The following RCOR3 variants were observed in gnomAD, a reference collection of about 807,000 sequenced individuals.
RCOR3 encodes the protein REST corepressor 3.
Under a neutral mutation model 64.1 loss-of-function variants are expected in RCOR3, and 13 were observed. That is an observed-to-expected ratio of 0.20 (90% CI 0.13 to 0.32). RCOR3 has a LOEUF of 0.32. RCOR3 is among the 10% of genes least tolerant of loss of function. RCOR3 has a pLI of 1.00. For missense variants in RCOR3, 489 were observed against 701.2 expected (o/e 0.70, Z 3.42); for synonymous variants, 215 against 239.0 (o/e 0.90, Z 0.93).
chr1:211,294,746 C>T (rs1243732874), intron 8 of RCOR3, among the ~76,000 whole-genome samples: 2 of 152,002 alleles, frequency 1.3e-5, no homozygotes, highest in Non-Finnish European at 2.9e-5. Flanking sequence ...TCCGCCACCA[C>T]GCCCGGCTAA....
At position 211,276,380 on chromosome 1, in the gene RCOR3, A is replaced by G. The variant is rs903592445; in HGVS notation, c.478A>G (p.Ser160Gly). 19 of 1,613,634 alleles carry G rather than the reference A, an allele frequency of 1.2e-5. No homozygotes were observed. The highest frequency in any genetic ancestry group is 1.6e-5 in the Non-Finnish European group (19 of 1,179,694). Residue 160 changes from serine to glycine, a missense_variant, in exon 5 of 12, where the codon AGT becomes GGT. Around this residue, in one of 2 missense-constraint regions of RCOR3, gnomAD observed 402 missense variants for 617.0 expected, o/e 0.65. Coordinates refer to ENST00000419091, the MANE Select transcript of RCOR3 (RefSeq NM_001136223.3). ...EDKVLFEQAF[S>G]FHGKSFHRIQ... The stretch of plus-strand genomic sequence containing the variant: ...TAAAGTCCTATTTGAACAAGCCTTT[A>G]GTTTTCATGGAAAGAGCTTTCACAG...
At chr1:211,292,134 G>A (rs2102587147) in intron 8 of RCOR3, among the ~76,000 whole-genome samples, 1 of 152,174 alleles carries the variant, frequency 6.6e-6, no homozygotes, top group South Asian at 2.1e-4. Context: ...CTGGTTTTTA[G>A]CTCCTTTGAC....
intron 2 of RCOR3, among the ~76,000 whole-genome samples, chr1:211,265,579 C>T (rs1235083557): frequency 1.3e-5 from 2 of 151,950 alleles, no homozygotes; most frequent in South Asian, 2.1e-4. Context: ...ATCAGCTGGG[C>T]GTGGTAGTGG....
In RCOR3 at chr1:211,259,437, T is replaced by A. The variant is rs2102395045; in HGVS notation, c.-124T>A. ...CGGCTCCATATTAACAGCCTCCTCC[T>A]CCTCCGCCGCCGCCGCCGTCTCCTC... On this transcript the variant is annotated 5_prime_UTR_variant, in exon 1 of 12. Transcript: ENST00000419091. 3.1e-6 allele frequency: 3 copies of A among 970,578 alleles called. No homozygotes were observed. In the South Asian group the frequency reaches 5.1e-5, roughly 16 times the overall value. The allele number at this position is 970,578 out of a possible 1,614,324, so 60.1% of individuals were successfully genotyped here. A position where few individuals can be genotyped will look rare whatever the true frequency, so the allele number is the denominator to read the frequency against.
At chr1:211,274,286 G>A (rs142505838) in intron 4 of RCOR3, 24 bp downstream of exon 4, 28 of 1,488,660 alleles carry the variant, frequency 1.9e-5, no homozygotes, top group Non-Finnish European at 2.5e-5. Flanking sequence ...CACTTCAGTA[G>A]TAAGGCTTGT....
chr1:211,315,713 C>T lies in RCOR3; in HGVS notation c.*1945C>T, dbSNP rs1395553584. ...TGTCAGTCAAGTTGGTCAGCACCAG[C>T]ATCTGTCCAGCTGTTCAGTATATTG... On this transcript the variant is annotated 3_prime_UTR_variant, in exon 12 of 12. Coordinates refer to ENST00000419091, the MANE Select transcript of RCOR3 (RefSeq NM_001136223.3). 6.6e-6 allele frequency: 1 copy of T among 152,218 alleles called. No homozygotes were observed. Among genetic ancestry groups the T allele is most frequent in the Non-Finnish European group, 1.5e-5 (1 of 68,044 alleles). 9.4% of individuals were successfully genotyped at this position (152,218 alleles called of 1,614,324 possible). A position where few individuals can be genotyped will look rare whatever the true frequency, so the allele number is the denominator to read the frequency against.
intron 9 of RCOR3, among the ~76,000 whole-genome samples, chr1:211,299,817 C>A (rs1215584934): frequency 6.6e-6 from 1 of 151,974 alleles, no homozygotes; most frequent in Non-Finnish European, 1.5e-5. Flanking sequence ...CTCTGTGATA[C>A]CATGTAGCTA....
At chr1:211,288,467 TTATTTATAAATAAATTTATAAA>T (rs1160872752) in intron 7 of RCOR3, among the ~76,000 whole-genome samples, 1 of 143,204 alleles carries the variant, frequency 7.0e-6, no homozygotes, top group Non-Finnish European at 1.5e-5. Context: ...TTATTACATT[TTATTTATAAATAAATTTATAAA>T]TATTTATAAA....
chr1:211,309,086 T>TAAAAAAAAA (rs10688171), intron 10 of RCOR3, among the ~76,000 whole-genome samples: 381 of 112,276 alleles, frequency 3.4e-3, no homozygotes, highest in East Asian at 8.4e-3. Flanking sequence ...TAGCTAAACA[T>TAAAAAAAAA]AAAAAAAAAA....
At chr1:211,268,904 A>AT (rs1695692767) in intron 2 of RCOR3, among the ~76,000 whole-genome samples, 1 of 152,200 alleles carries the variant, frequency 6.6e-6, no homozygotes, top group African/African-American at 2.4e-5. Flanking sequence ...GCAATGTATG[A>AT]TTTTTTAACT....
chr1:211,259,456 T>TCTC lies in RCOR3; in HGVS notation c.-90_-88dup, dbSNP rs574816010. On this transcript the variant is annotated 5_prime_UTR_variant, in exon 1 of 12. Coordinates refer to ENST00000419091, the MANE Select transcript of RCOR3 (RefSeq NM_001136223.3). ...TCCTCCTCCTCCGCCGCCGCCGCCG[T>TCTC]CTCCTCCTCCTCCTCCTTTCCCTCC... The TCTC allele has an allele frequency of 0.052, 57,844 of 1,121,544 alleles. 1,190 individuals carry two copies. Among genetic ancestry groups the TCTC allele is most frequent in the Non-Finnish European group, 0.061 (49,063 of 810,346 alleles). The allele number at this position is 1,121,544 out of a possible 1,614,324, so 69.5% of individuals were successfully genotyped here.
rs1301874887 is a variant in RCOR3, at chr1:211,259,924, G to C, written c.167-184G>C. On this transcript the variant is annotated intron_variant, in intron 1 of 11. Coordinates refer to ENST00000419091, the MANE Select transcript of RCOR3 (RefSeq NM_001136223.3). ...CGCCCTCGACCAATCCTCCGCCTTTGCCCCCCCCCGCTCCCCGCCCCCAAT... is the reference window on the plus strand; with the variant it reads ...CGCCCTCGACCAATCCTCCGCCTTTCCCCCCCCCCGCTCCCCGCCCCCAAT... The C allele has an allele frequency of 1.1e-4, 49 of 460,086 alleles. No individual in the cohort carries two copies. In the African/African-American group the frequency reaches 1.5e-3, roughly 14 times the overall value. 28.5% of individuals were successfully genotyped at this position (460,086 alleles called of 1,614,324 possible).
chr1:211,270,144 A>C (rs890124678), intron 2 of RCOR3, among the ~76,000 whole-genome samples: 5 of 151,522 alleles, frequency 3.3e-5, no homozygotes, highest in African/African-American at 1.2e-4. Flanking sequence ...CTCACTGGCA[A>C]CCTCTGCCTC....
At position 211,274,281 on chromosome 1, in the gene RCOR3, C is replaced by G; in HGVS notation, c.354+19C>G. ...GGAACAGGTATGTAGAGAAACACTT[C>G]AGTAGTAAGGCTTGTCCCAATATTT... is the stretch of plus-strand genomic sequence containing the variant. On this transcript the variant is annotated intron_variant, in intron 4 of 11. Transcript: ENST00000419091. The G allele has an allele frequency of 6.5e-7, 1 of 1,548,554 alleles. No homozygotes were observed. Among genetic ancestry groups the G allele is most frequent in the Non-Finnish European group, 8.9e-7 (1 of 1,122,420 alleles).
intron 7 of RCOR3, among the ~76,000 whole-genome samples, chr1:211,285,518 G>T (rs1698418867): frequency 6.6e-6 from 1 of 152,218 alleles, no homozygotes; most frequent in Admixed American, 6.5e-5. Context: ...CTTGCATTCA[G>T]TGGTTATAAG....
At chr1:211,293,061 G>A (rs934222513) in intron 8 of RCOR3, among the ~76,000 whole-genome samples, 1 of 147,564 alleles carries the variant, frequency 6.8e-6, no homozygotes, top group Non-Finnish European at 1.5e-5. Context: ...TCTAGCCTGG[G>A]CGACAGAGTG....
At chr1:211,259,789 C>T in intron 1 of RCOR3, 63 bp downstream of exon 1, 2 of 1,307,844 alleles carry the variant, frequency 1.5e-6, no homozygotes, top group East Asian at 2.7e-5. Context: ...CCTCCCCCAG[C>T]CCCCTCCCCT....
In RCOR3 at chr1:211,314,051, C is replaced by G; in HGVS notation, c.*283C>G. ...ACAAAAGATTTAAGTATTCTATATA[C>G]CAAGTTTTTGTTTTGTTTTTACTGT... On this transcript the variant is annotated 3_prime_UTR_variant, in exon 12 of 12. Coordinates refer to ENST00000419091, the MANE Select transcript of RCOR3 (RefSeq NM_001136223.3). 1 of 326,866 alleles carries G rather than the reference C, an allele frequency of 3.1e-6. No individual in the cohort carries two copies. Among genetic ancestry groups the G allele is most frequent in the Non-Finnish European group, 5.6e-6 (1 of 178,202 alleles). 20.2% of individuals were successfully genotyped at this position (326,866 alleles called of 1,614,324 possible). A position where few individuals can be genotyped will look rare whatever the true frequency, so the allele number is the denominator to read the frequency against.
chr1:211,274,810 GAGTTA>G (rs1696721574), intron 4 of RCOR3, among the ~76,000 whole-genome samples: 1 of 151,686 alleles, frequency 6.6e-6, no homozygotes, highest in Non-Finnish European at 1.5e-5. Context: ...TCTGTATGTA[GAGTTA>G]AGTCTCTTCA....
Sources: gnomAD v4.1 joint callset for allele counts (sites outside exome capture counted in the v4.1 genomes callset) on GRCh38, gnomAD v4.1.1 for gene constraint, gnomAD v4.1.1 regional missense constraint, MANE v1.5 for transcripts, NCBI Gene and HGNC (gene_info 2026-07-23, HGNC 2026-07-21) for gene names.